The following TAFA5 variants were observed in gnomAD, a reference collection of about 807,000 sequenced individuals.
TAFA5 encodes the protein chemokine-like protein TAFA-5.
TAFA5 carries 6 observed loss-of-function variants against 15.3 expected under a neutral mutation model. The observed-to-expected ratio is 0.39, with a 90% CI of 0.21 to 0.77. The LOEUF is 0.77. TAFA5 is among the 30% of genes least tolerant of loss of function. TAFA5 has a pLI of 0.41. For synonymous variants in TAFA5, 103 were observed against 80.7 expected (o/e 1.28, Z -1.48); for missense variants, 161 against 193.1 (o/e 0.83, Z 0.98).
At chr22:48,730,656 C>G (rs990178669) in intron 3 of TAFA5, among the ~76,000 whole-genome samples, 27 of 152,236 alleles carry the variant, frequency 1.8e-4, no homozygotes, top group African/African-American at 6.3e-4. Flanking sequence ...ATTACTATAT[C>G]TGTTACGGTG....
chr22:48,498,283 G>T, intron 1 of TAFA5, among the ~76,000 whole-genome samples: 1 of 150,330 alleles, frequency 6.7e-6, no homozygotes, highest in South Asian at 2.1e-4. Context: ...CCCACCTGGA[G>T]GCGGGGCTGA....
At chr22:48,542,377 GGTGTGT>G (rs796950044) in intron 1 of TAFA5, among the ~76,000 whole-genome samples, 1 of 129,996 alleles carries the variant, frequency 7.7e-6, no homozygotes, top group Non-Finnish European at 1.6e-5. Context: ...GCGGGTGTGT[GGTGTGT>G]GTGTGTGGTG....
intron 1 of TAFA5, among the ~76,000 whole-genome samples, chr22:48,536,349 C>CCG (rs1922163418): frequency 6.6e-6 from 1 of 152,234 alleles, no homozygotes. Flanking sequence ...AAGTGGATGT[C>CCG]CTTTGTCCGC....
intron 1 of TAFA5, among the ~76,000 whole-genome samples, chr22:48,565,995 G>A (rs186734445): frequency 6.6e-6 from 1 of 151,616 alleles, no homozygotes; most frequent in African/African-American, 2.4e-5. Context: ...TGGACAGATG[G>A]ATGTATGATG....
At chr22:48,683,606 C>G (rs1928262462) in intron 2 of TAFA5, among the ~76,000 whole-genome samples, 1 of 152,232 alleles carries the variant, frequency 6.6e-6, no homozygotes, top group African/African-American at 2.4e-5. Flanking sequence ...CTCCCACTGC[C>G]AGGACAGCCT....
rs542688305 is a variant in TAFA5, at chr22:48,550,521, G to A, written c.112+60817G>A. Among the ~76,000 whole-genome samples the A allele has an allele frequency of 4.6e-5, 7 of 152,300 alleles. No individual in the cohort carries two copies. In the South Asian group the frequency reaches 6.2e-4, roughly 14 times the overall value. ...GAGCCAGGTGCCCCTGGGAAATGCC[G>A]GCATTGTGTGAAGGAGTGTCTTGTA... On this transcript the variant is annotated intron_variant, in intron 1 of 3. Transcript: ENST00000402357. The surrounding 1 kb of genome is among the most constrained non-coding windows in gnomAD (Gnocchi z 4.1).
At chr22:48,608,875 C>T (rs1925295230) in intron 1 of TAFA5, among the ~76,000 whole-genome samples, 2 of 152,266 alleles carry the variant, frequency 1.3e-5, no homozygotes, top group Admixed American at 1.3e-4. Context: ...TCTGCTAACA[C>T]CCCAGGTTTG....
intron 2 of TAFA5, among the ~76,000 whole-genome samples, chr22:48,689,143 A>G (rs1928459166): frequency 6.6e-6 from 1 of 152,136 alleles, no homozygotes; most frequent in Non-Finnish European, 1.5e-5. Flanking sequence ...TACTCACAGA[A>G]GTCTTCAGCT....
chr22:48,707,871 G>T (rs953694495), intron 3 of TAFA5, 27 bp downstream of exon 3: 21 of 1,606,188 alleles, frequency 1.3e-5, no homozygotes, highest in Non-Finnish European at 1.8e-5. Context: ...TTTCTCGTGG[G>T]TGTGCTGGGG....
At chr22:48,517,088 G>T (rs1259054240) in intron 1 of TAFA5, among the ~76,000 whole-genome samples, 1 of 152,134 alleles carries the variant, frequency 6.6e-6, no homozygotes, top group Admixed American at 6.5e-5. Flanking sequence ...AAAGCCCCGT[G>T]CCTATGAAGC....
At chr22:48,737,616 G>T (rs930776379) in intron 3 of TAFA5, among the ~76,000 whole-genome samples, 78 of 152,358 alleles carry the variant, frequency 5.1e-4, no homozygotes, top group African/African-American at 1.7e-3. Flanking sequence ...GGCACAGCAC[G>T]GAAGGGGAAG....
intron 1 of TAFA5, among the ~76,000 whole-genome samples, chr22:48,610,139 C>T (rs559659584): frequency 9.2e-5 from 14 of 152,294 alleles, no homozygotes; most frequent in South Asian, 4.2e-4. Context: ...AACCTAAGGT[C>T]GGCTCAGCAG....
Position 48,598,331 on chromosome 22 carries a change from C to A in TAFA5, c.113-48266C>A, listed in dbSNP as rs1473383721. The stretch of plus-strand genomic sequence containing the variant: ...AAAAATCCAGAATCATTTGACCAAA[C>A]CTGTGGGCACTGTGGCTCCGTCAAG... On this transcript the variant is annotated intron_variant, in intron 1 of 3. Coordinates refer to ENST00000402357, the MANE Select transcript of TAFA5 (RefSeq NM_001082967.3). The surrounding 1 kb of genome is among the most constrained non-coding windows in gnomAD (Gnocchi z 4.0). Among the ~76,000 whole-genome samples, 2 of 152,198 alleles carry A rather than the reference C, an allele frequency of 1.3e-5. No individual in the cohort carries two copies. Among genetic ancestry groups the A allele is most frequent in the Non-Finnish European group, 2.9e-5 (2 of 68,042 alleles).
chr22:48,582,980 A>C (rs1004462086), intron 1 of TAFA5, among the ~76,000 whole-genome samples: 3 of 137,690 alleles, frequency 2.2e-5, no homozygotes, highest in Non-Finnish European at 3.3e-5. Flanking sequence ...CACACAAAAT[A>C]CACCACACAC....
At chr22:48,525,739 G>A (rs1367388377) in intron 1 of TAFA5, among the ~76,000 whole-genome samples, 1 of 152,138 alleles carries the variant, frequency 6.6e-6, no homozygotes, top group East Asian at 1.9e-4. Flanking sequence ...CTGCCTACCC[G>A]AGCCCTCCTG....
At chr22:48,745,749 C>T (rs935611468) in intron 3 of TAFA5, among the ~76,000 whole-genome samples, 14 of 152,156 alleles carry the variant, frequency 9.2e-5, no homozygotes, top group African/African-American at 3.4e-4. Flanking sequence ...GGAGGGGGCC[C>T]GGGAGGTGTC....
intron 3 of TAFA5, among the ~76,000 whole-genome samples, chr22:48,739,917 G>A (rs960063601): frequency 2.6e-5 from 4 of 152,170 alleles, no homozygotes; most frequent in African/African-American, 7.2e-5. Context: ...TGGCCGTCAG[G>A]ACGTTGAGTC....
At position 48,566,835 on chromosome 22, in the gene TAFA5, G is replaced by A. The variant is rs1010717523; in HGVS notation, c.112+77131G>A. 6.6e-6 allele frequency among the ~76,000 whole-genome samples: 1 copy of A among 152,218 alleles called. No homozygotes were observed. The highest frequency in any genetic ancestry group is 6.5e-5 in the Admixed American group (1 of 15,288). On this transcript the variant is annotated intron_variant, in intron 1 of 3. Transcript: ENST00000402357. This position sits in a 1 kb window ranked among gnomAD's most constrained non-coding sequence, Gnocchi z 4.5. The stretch of plus-strand genomic sequence containing the variant: ...TTTTTCAAAGCCCTGGGTCCATGCA[G>A]CCCTTGTGGTTCTGCAGCTTTTTTG...
intron 1 of TAFA5, among the ~76,000 whole-genome samples, chr22:48,589,997 GT>G (rs1019939399): frequency 1.3e-5 from 2 of 151,758 alleles, no homozygotes; most frequent in Non-Finnish European, 2.9e-5. Context: ...GTGTGTGTGT[GT>G]GTGTGTGTGT....
Sources: allele counts gnomAD v4.1 joint callset (sites outside exome capture counted in the v4.1 genomes callset), GRCh38; gene constraint gnomAD v4.1.1; non-coding constraint Gnocchi (gnomAD v3.1); transcripts MANE v1.5; gene names NCBI Gene and HGNC (gene_info 2026-07-23, HGNC 2026-07-21).